The following REV3L variants were observed in gnomAD, a reference collection of about 807,000 sequenced individuals.
REV3L encodes the protein REV3 like, DNA directed polymerase zeta catalytic subunit, also known as DNA polymerase zeta catalytic subunit.
Under a neutral mutation model 299.4 loss-of-function variants are expected in REV3L, and 69 were observed. The ratio of observed to expected loss-of-function variants is 0.23; its 90% CI spans 0.19 to 0.28. The LOEUF is 0.28. Among genes scored for constraint, REV3L ranks in the 10% least tolerant of loss-of-function variants. REV3L has a pLI of 1.00. For synonymous variants in REV3L, 1,238 were observed against 1,271.4 expected, an observed-to-expected ratio of 0.97 and a Z score of 0.56; for missense variants, 3,128 against 3,693.8, an observed-to-expected ratio of 0.85 and a Z score of 3.97.
intron 26 of REV3L, among the ~76,000 whole-genome samples, chr6:111,320,050 A>G (rs1291956240): frequency 6.7e-6 from 1 of 149,924 alleles, no homozygotes; most frequent in East Asian, 2.0e-4. Context: ...TGCAGGGATT[A>G]CAGGTGTGAG....
intron 1 of REV3L, among the ~76,000 whole-genome samples, chr6:111,461,757 C>T (rs1231803152): frequency 6.6e-6 from 1 of 151,786 alleles, no homozygotes; most frequent in Non-Finnish European, 1.5e-5. Flanking sequence ...CTAGGGCAAC[C>T]ACTAAACAAA....
At chr6:111,462,376 A>G (rs1028247946) in intron 1 of REV3L, among the ~76,000 whole-genome samples, 4 of 152,202 alleles carry the variant, frequency 2.6e-5, no homozygotes, top group African/African-American at 9.6e-5. Context: ...GAATATTACC[A>G]GAGATAAAGA....
chr6:111,303,379 A>G (rs1451317254), intron 31 of REV3L, among the ~76,000 whole-genome samples: 1 of 150,580 alleles, frequency 6.6e-6, no homozygotes, highest in African/African-American at 2.4e-5. Flanking sequence ...TTAATTTATT[A>G]TTTTTGAAAT....
intron 1 of REV3L, chr6:111,431,109 C>G: frequency 6.6e-7 from 1 of 1,506,168 alleles, no homozygotes. Flanking sequence ...CTGATTTAAT[C>G]TATTCAACCT....
At chr6:111,342,259 C>T (rs1776566147) in intron 21 of REV3L, among the ~76,000 whole-genome samples, 1 of 152,062 alleles carries the variant, frequency 6.6e-6, no homozygotes, top group Non-Finnish European at 1.5e-5. Context: ...AAAATGCTAT[C>T]TGCCCCAGGG....
intron 1 of REV3L, among the ~76,000 whole-genome samples, chr6:111,434,975 C>T (rs568469463): frequency 1.3e-3 from 196 of 152,272 alleles, no homozygotes; most frequent in Admixed American, 2.9e-3. Flanking sequence ...GAGGCCGAGA[C>T]TGAAGGACTG....
At position 111,307,549 on chromosome 6, in the gene REV3L, A is replaced by G. The variant is rs1772456019; in HGVS notation, c.9064T>C (p.Ser3022Pro). Reference sequence around the variant, plus strand: ...TTCCGCCCTTCAGGTTCACTTCGCGAGGAGCTGGTAGCTTTATGGATCTAT... The same window carrying G: ...TTCCGCCCTTCAGGTTCACTTCGCGGGGAGCTGGTAGCTTTATGGATCTAT... ...LPRIHKATSS[S>P]RSEPEGRKGT... The change falls in exon 31 of 32, where the codon TCG (serine) becomes CCG (proline). Residue 3022 changes from serine (S) to proline (P), a missense_variant. Physicochemically the swap from Ser to Pro is moderately conservative, Grantham distance 74 (BLOSUM62 -1). Transcript: ENST00000368802. 1 of 1,614,224 alleles carries G rather than the reference A, an allele frequency of 6.2e-7. No homozygotes were observed. The highest frequency in any genetic ancestry group is 8.5e-7 in the Non-Finnish European group (1 of 1,180,032).
chr6:111,374,782 C>A lies in REV3L; in HGVS notation c.3573G>T (p.Arg1191Ser). Residue 1191 changes from arginine (R) to serine (S), a missense_variant, in exon 13 of 32, where the codon AGG (arginine) becomes AGT (serine). Arg to Ser is a moderately radical substitution (Grantham distance 110, BLOSUM62 -1). This residue lies in a region of REV3L where 2,409 missense variants were observed against 2,611.8 expected (regional missense o/e 0.92). Transcript: ENST00000368802. ...LANPSIVTKK[R>S]NKRNQTNKLV... ...GTTTATTTGTCTGATTTCGTTTGTT[C>A]CTTTTCTTAGTAACTATAGAGGGAT... 1 of 1,611,812 alleles carries A rather than the reference C, an allele frequency of 6.2e-7. No individual in the cohort carries two copies. Among genetic ancestry groups the A allele is most frequent in the South Asian group, 1.1e-5 (1 of 90,544 alleles).
intron 4 of REV3L, among the ~76,000 whole-genome samples, chr6:111,397,951 C>T (rs1782697493): frequency 6.6e-6 from 1 of 150,616 alleles, no homozygotes; most frequent in South Asian, 2.2e-4. Flanking sequence ...TCCAATGTTT[C>T]TTTTTTGATT....
chr6:111,319,252 G>A (rs1300518637), intron 26 of REV3L, among the ~76,000 whole-genome samples: 5 of 152,124 alleles, frequency 3.3e-5, no homozygotes, highest in Non-Finnish European at 7.3e-5. Context: ...CACGAGGTCA[G>A]GAGTTCAAGA....
chr6:111,391,087 A>G (rs574171190), intron 5 of REV3L, among the ~76,000 whole-genome samples: 2 of 145,856 alleles, frequency 1.4e-5, no homozygotes, highest in South Asian at 4.3e-4. Context: ...TTTTTTTCAG[A>G]TGGAGTCTCG....
At position 111,431,300 on chromosome 6, in the gene REV3L, C is replaced by A. The variant is rs543295905; in HGVS notation, c.140-14828G>T. On this transcript the variant is annotated intron_variant, in intron 1 of 31. Transcript: ENST00000368802. ...GAAGATGGAAGGCCATACTAGGACA[C>A]CTGACACAGCAAAAGAAATGGAGAT... 23 of 1,248,416 alleles carry A rather than the reference C, an allele frequency of 1.8e-5. No homozygotes were observed. The African/African-American group carries it at 3.2e-4, about 18-fold the overall frequency. The allele number at this position is 1,248,416 out of a possible 1,614,324, so 77.3% of individuals were successfully genotyped here.
chr6:111,391,629 T>G (rs1293785793), intron 5 of REV3L, among the ~76,000 whole-genome samples: 1 of 152,222 alleles, frequency 6.6e-6, no homozygotes, highest in Non-Finnish European at 1.5e-5. Flanking sequence ...GAAAAAATAT[T>G]TCTCAATATA....
At chr6:111,430,040 G>A (rs528134082) in intron 1 of REV3L, among the ~76,000 whole-genome samples, 8 of 152,194 alleles carry the variant, frequency 5.3e-5, no homozygotes, top group African/African-American at 1.9e-4. Context: ...GAGACAAGCA[G>A]GTTCCAGGGG....
chr6:111,331,565 A>G (rs975759374), intron 24 of REV3L, 111 bp downstream of exon 24: 2 of 608,582 alleles, frequency 3.3e-6, no homozygotes, highest in Admixed American at 6.4e-5. Flanking sequence ...AAAATATTCA[A>G]GCAAACTCGG....
chr6:111,479,506 C>T (rs560831160), intron 1 of REV3L, among the ~76,000 whole-genome samples: 13 of 141,246 alleles, frequency 9.2e-5, no homozygotes, highest in Non-Finnish European at 1.9e-4. Flanking sequence ...TATCCCCCCC[C>T]GCCTTTTTTT....
intron 27 of REV3L, 116 bp downstream of exon 27, chr6:111,315,151 A>G: frequency 1.2e-6 from 1 of 844,604 alleles, no homozygotes; most frequent in South Asian, 1.9e-5. Context: ...ACCCAAATTT[A>G]ACACTTTAAT....
intron 31 of REV3L, 45 bp from the exon 32 acceptor site, chr6:111,300,201 T>G (rs764407881): frequency 1.3e-6 from 2 of 1,498,264 alleles, no homozygotes; most frequent in Non-Finnish European, 1.8e-6. Flanking sequence ...AAAGTTTTTA[T>G]GCGTGTATGC....
At chr6:111,318,648 C>T (rs551640486) in intron 26 of REV3L, among the ~76,000 whole-genome samples, 12 of 152,080 alleles carry the variant, frequency 7.9e-5, no homozygotes, top group East Asian at 3.9e-4. Flanking sequence ...CTCAGCTCAC[C>T]GCAACCTCTG....
Sources: allele counts gnomAD v4.1 joint callset (sites outside exome capture counted in the v4.1 genomes callset), GRCh38; gene constraint gnomAD v4.1.1; regional missense constraint gnomAD v4.1.1; transcripts MANE v1.5; gene names NCBI Gene and HGNC (gene_info 2026-07-23, HGNC 2026-07-21).